The following KCNH7 variants were observed in gnomAD, a reference collection of about 807,000 sequenced individuals.
KCNH7 encodes voltage-gated inwardly rectifying potassium channel KCNH7.
Under a neutral mutation model 120.8 loss-of-function variants are expected in KCNH7, and 49 were observed. The observed-to-expected ratio is 0.41, with a 90% confidence interval of 0.32 to 0.51. The LOEUF (loss-of-function observed/expected upper bound fraction) is 0.51. KCNH7 is among the 20% of genes least tolerant of loss of function. The probability of loss-of-function intolerance (pLI) is 0.38; values close to 1 mark genes in which losing one functional copy is unlikely to be tolerated. For synonymous variants in KCNH7, 547 were observed against 516.1 expected (o/e 1.06, Z -0.81); for missense variants, 1,097 against 1,446.6 (o/e 0.76, Z 3.92).
intron 4 of KCNH7, among the ~76,000 whole-genome samples, chr2:162,513,721 A>G (rs1691190899): frequency 6.6e-6 from 1 of 151,736 alleles, no homozygotes; most frequent in Non-Finnish European, 1.5e-5. Flanking sequence ...GTACTTCAAT[A>G]TATATTTTAA....
intron 2 of KCNH7, among the ~76,000 whole-genome samples, chr2:162,654,345 T>G (rs1196103176): frequency 6.6e-6 from 1 of 151,386 alleles, no homozygotes; most frequent in Non-Finnish European, 1.5e-5. Context: ...AGGCTCTGAA[T>G]AGAAATTACT....
At chr2:162,554,413 TTTATTA>T (rs558824035) in intron 2 of KCNH7, among the ~76,000 whole-genome samples, 1 of 151,818 alleles carries the variant, frequency 6.6e-6, no homozygotes, top group South Asian at 2.1e-4. Flanking sequence ...ATGTTGTCCT[TTTATTA>T]TTATTATTAT....
chr2:162,403,952 A>T (rs1376985742), intron 9 of KCNH7, among the ~76,000 whole-genome samples: 1 of 151,932 alleles, frequency 6.6e-6, no homozygotes, highest in Non-Finnish European at 1.5e-5. Context: ...GCTTAAGAAG[A>T]TATTTATCCA....
intron 3 of KCNH7, among the ~76,000 whole-genome samples, chr2:162,534,415 A>G (rs2105820535): frequency 1.3e-5 from 2 of 151,694 alleles, no homozygotes; most frequent in South Asian, 4.1e-4. Flanking sequence ...GAGAAATTTC[A>G]AGAAAAAACT....
At chr2:162,542,188 T>C (rs1394944680) in intron 2 of KCNH7, among the ~76,000 whole-genome samples, 2 of 151,818 alleles carry the variant, frequency 1.3e-5, no homozygotes, top group African/African-American at 2.4e-5. Flanking sequence ...ACTTAGGTTT[T>C]ATAACTTTAT....
intron 2 of KCNH7, among the ~76,000 whole-genome samples, chr2:162,668,007 T>C (rs1435469442): frequency 2.6e-5 from 4 of 152,222 alleles, no homozygotes; most frequent in Non-Finnish European, 4.4e-5. Flanking sequence ...TTTAAAAGCA[T>C]ATAAAATTGA....
intron 6 of KCNH7, chr2:162,497,047 A>T (rs1690519729): frequency 6.6e-6 from 1 of 152,202 alleles, no homozygotes; most frequent in South Asian, 2.1e-4. Context: ...CTTAAGCCTG[A>T]GATGACAAAT....
chr2:162,593,757 G>GA (rs1381608479), intron 2 of KCNH7, among the ~76,000 whole-genome samples: 1 of 151,922 alleles, frequency 6.6e-6, no homozygotes, highest in Non-Finnish European at 1.5e-5. Context: ...TGAAAATGAA[G>GA]ATGATTTCCT....
At chr2:162,405,902 G>A (rs1054298433) in intron 9 of KCNH7, among the ~76,000 whole-genome samples, 1 of 151,826 alleles carries the variant, frequency 6.6e-6, no homozygotes, top group Non-Finnish European at 1.5e-5. Context: ...GAGTCAGAAG[G>A]GAGCAATATC....
At chr2:162,456,405 T>C (rs1476755863) in intron 6 of KCNH7, among the ~76,000 whole-genome samples, 1 of 152,174 alleles carries the variant, frequency 6.6e-6, no homozygotes, top group Non-Finnish European at 1.5e-5. Flanking sequence ...TTGCATTTGC[T>C]GAGGAGTGTT....
chr2:162,753,015 AAAGAAAAG>A (rs1688652310), intron 2 of KCNH7, among the ~76,000 whole-genome samples: 16 of 148,682 alleles, frequency 1.1e-4, no homozygotes, highest in African/African-American at 3.7e-4. Flanking sequence ...AAAGAAAAGA[AAAGAAAAG>A]AAAAGAAACC....
chr2:162,767,020 TAA>T (rs1048532176), intron 2 of KCNH7, among the ~76,000 whole-genome samples: 3 of 152,184 alleles, frequency 2.0e-5, no homozygotes, highest in African/African-American at 4.8e-5. Flanking sequence ...TATAAGTTTA[TAA>T]AGAGTTTATG....
chr2:162,670,551 A>T (rs1326849076), intron 2 of KCNH7, among the ~76,000 whole-genome samples: 1 of 151,926 alleles, frequency 6.6e-6, no homozygotes, highest in East Asian at 1.9e-4. Context: ...ATTACTAGAA[A>T]ATAATAGGAT....
intron 6 of KCNH7, among the ~76,000 whole-genome samples, chr2:162,491,589 C>T (rs966637388): frequency 1.3e-5 from 2 of 152,126 alleles, no homozygotes; most frequent in African/African-American, 2.4e-5. Flanking sequence ...AAGGAGTCTG[C>T]GTGTAGGTAA....
Position 162,435,304 on chromosome 2 carries a change from T to C in KCNH7, c.1848A>G (p.Thr616=), listed in dbSNP as rs997203886. ...AACTGCTGAAGGTAAAATAAAGTGCTGTGACGTATTTGTCTTTAATGGATG... is the reference window on the plus strand; with the variant it reads ...AACTGCTGAAGGTAAAATAAAGTGCCGTGACGTATTTGTCTTTAATGGATG... ...SGPSIKDKYV[T]ALYFTFSSLT... is the part of the protein sequence containing the mutation. The change falls in exon 8 of 16, where the codon ACA becomes ACG. Residue 616 remains threonine, a synonymous_variant. Transcript: ENST00000332142. 7 of 1,613,772 alleles carry C rather than the reference T, an allele frequency of 4.3e-6. No individual in the cohort carries two copies. In the African/African-American group the frequency reaches 8.0e-5, roughly 18 times the overall value.
At chr2:162,498,252 T>C (rs1195756014) in intron 6 of KCNH7, among the ~76,000 whole-genome samples, 1 of 152,130 alleles carries the variant, frequency 6.6e-6, no homozygotes, top group Admixed American at 6.6e-5. Flanking sequence ...TTGGTCATAG[T>C]ACGACAAATA....
At chr2:162,454,947 TGCCCTG>T (rs1352311527) in intron 6 of KCNH7, among the ~76,000 whole-genome samples, 1 of 152,144 alleles carries the variant, frequency 6.6e-6, no homozygotes, top group Non-Finnish European at 1.5e-5. Context: ...CTTGCCTGAT[TGCCCTG>T]GCCAGAACTT....
intron 2 of KCNH7, among the ~76,000 whole-genome samples, chr2:162,799,809 G>A (rs866420630): frequency 5.9e-4 from 90 of 151,820 alleles, no homozygotes; most frequent in African/African-American, 2.0e-3. Flanking sequence ...TTCCTGGTTC[G>A]CATTTCAAAG....
chr2:162,645,239 C>G (rs1374788108), intron 2 of KCNH7, among the ~76,000 whole-genome samples: 1 of 152,082 alleles, frequency 6.6e-6, no homozygotes, highest in African/African-American at 2.4e-5. Flanking sequence ...CCTCCGCCTC[C>G]CGGGTTCAAG....
Sources: gnomAD v4.1 joint callset for allele counts (sites outside exome capture counted in the v4.1 genomes callset) on GRCh38, gnomAD v4.1.1 for gene constraint, MANE v1.5 for transcripts, NCBI Gene and HGNC (gene_info 2026-07-23, HGNC 2026-07-21) for gene names.